Variants in MCC observed in about 807,000 individuals in gnomAD.
The protein encoded by MCC is colorectal mutant cancer protein.
In MCC, 90 loss-of-function variants were observed where a neutral mutation model predicts 116.2. The observed-to-expected ratio is 0.77, with a 90% confidence interval of 0.65 to 0.92. The LOEUF is 0.92. MCC is among the 40% of genes least tolerant of loss of function. MCC has a pLI of 0.00. For missense variants in MCC, 1,516 were observed against 1,312.2 expected (o/e 1.16, Z -2.40); for synonymous variants, 578 against 510.5 (o/e 1.13, Z -1.78).
chr5:113,133,808 T>C (rs999969926), intron 5 of MCC, among the ~76,000 whole-genome samples: 1 of 152,228 alleles, frequency 6.6e-6, no homozygotes, highest in African/African-American at 2.4e-5. Context: ...TATGCTTTGG[T>C]AGAAGCCATT....
chr5:113,143,360 A>G lies in MCC; in HGVS notation c.742T>C (p.Cys248Arg), dbSNP rs766574371. 4.3e-6 allele frequency: 7 copies of G among 1,613,538 alleles called. No individual in the cohort carries two copies. Among genetic ancestry groups the G allele is most frequent in the Admixed American group, 1.7e-5 (1 of 59,874 alleles). ...LLEKKLAKAQ[C>R]EQSHLMREHE... ...TCTCTCATGAGGTGGGACTGCTCGC[A>G]CTGGGAATAAGGGAAAAGGACAGAA... The change falls in exon 5 of 19, where the codon TGC becomes CGC. Residue 248 changes from cysteine (C) to arginine (R), a missense_variant and splice_region_variant. Transcript: ENST00000408903.
intron 1 of MCC, among the ~76,000 whole-genome samples, chr5:113,468,015 T>A (rs942718405): frequency 2.6e-5 from 4 of 152,250 alleles, no homozygotes; most frequent in African/African-American, 9.6e-5. Flanking sequence ...GCTTGTGATT[T>A]TTTGCACATT....
intron 3 of MCC, among the ~76,000 whole-genome samples, chr5:113,228,296 G>A (rs576114047): frequency 4.6e-5 from 7 of 152,246 alleles, no homozygotes; most frequent in South Asian, 4.1e-4. Flanking sequence ...ATGCTGTCTC[G>A]TGAGAATGAG....
intron 3 of MCC, among the ~76,000 whole-genome samples, chr5:113,164,861 T>C (rs1177768848): frequency 6.6e-6 from 1 of 152,176 alleles, no homozygotes; most frequent in Non-Finnish European, 1.5e-5. Flanking sequence ...GGAAAGGCCA[T>C]TGGTACCAGA....
intron 3 of MCC, among the ~76,000 whole-genome samples, chr5:113,327,430 C>T (rs1767583830): frequency 6.6e-6 from 1 of 150,402 alleles, no homozygotes; most frequent in African/African-American, 2.4e-5. Context: ...CCTGTAGTCC[C>T]AGCTACTCGG....
intron 3 of MCC, among the ~76,000 whole-genome samples, chr5:113,271,106 A>G (rs1765602489): frequency 6.6e-6 from 1 of 152,240 alleles, no homozygotes; most frequent in Non-Finnish European, 1.5e-5. Context: ...GTTCATGTTA[A>G]GACAATAGCA....
intron 8 of MCC, among the ~76,000 whole-genome samples, chr5:113,086,306 G>GGGGGGTGAGTC (rs11269973): frequency 3.0e-4 from 46 of 151,540 alleles, no homozygotes; most frequent in Non-Finnish European, 2.2e-4. Context: ...TGATATGCCT[G>GGGGGGTGAGTC]GGGGGTTGAA....
At chr5:113,472,329 C>G (rs572279302) in intron 1 of MCC, among the ~76,000 whole-genome samples, 2 of 152,306 alleles carry the variant, frequency 1.3e-5, no homozygotes, top group African/African-American at 4.8e-5. Flanking sequence ...ATGGTGCATA[C>G]TTCTTGCAAC....
At chr5:113,314,735 G>A (rs1366479423) in intron 3 of MCC, among the ~76,000 whole-genome samples, 1 of 152,210 alleles carries the variant, frequency 6.6e-6, no homozygotes, top group African/African-American at 2.4e-5. Context: ...CTACAGGCAT[G>A]CACCACCATG....
intron 3 of MCC, among the ~76,000 whole-genome samples, chr5:113,196,214 A>C (rs1339646852): frequency 6.6e-6 from 1 of 152,182 alleles, no homozygotes; most frequent in Non-Finnish European, 1.5e-5. Context: ...TTGTGCCAAC[A>C]CCTAGTGCTG....
chr5:113,385,372 A>T (rs986327996), intron 1 of MCC, among the ~76,000 whole-genome samples, 160 bp from the exon 2 acceptor site: 6 of 152,230 alleles, frequency 3.9e-5, no homozygotes, highest in African/African-American at 1.4e-4. Context: ...TGTATGAAAA[A>T]AACGTGTTCC....
At chr5:113,444,471 C>T (rs185574501) in intron 1 of MCC, among the ~76,000 whole-genome samples, 18 of 152,290 alleles carry the variant, frequency 1.2e-4, no homozygotes, top group Non-Finnish European at 1.3e-4. Flanking sequence ...AGTGTTAAAT[C>T]TGCGGTCTAC....
At chr5:113,078,426 A>T (rs908730083) in intron 11 of MCC, among the ~76,000 whole-genome samples, 1 of 152,206 alleles carries the variant, frequency 6.6e-6, no homozygotes, top group African/African-American at 2.4e-5. Flanking sequence ...CTGGCAAACC[A>T]AATCCAGCAG....
chr5:113,095,502 A>C (rs1755949513), intron 8 of MCC, among the ~76,000 whole-genome samples: 1 of 152,216 alleles, frequency 6.6e-6, no homozygotes, highest in Admixed American at 6.5e-5. Context: ...CTGGGCTATT[A>C]TCATAATTTA....
At chr5:113,472,876 T>C (rs1772131055) in intron 1 of MCC, among the ~76,000 whole-genome samples, 1 of 152,172 alleles carries the variant, frequency 6.6e-6, no homozygotes, top group Non-Finnish European at 1.5e-5. Context: ...CAAAATGCTA[T>C]TTGGGAGTGT....
At chr5:113,472,346 A>C (rs1395022607) in intron 1 of MCC, among the ~76,000 whole-genome samples, 1 of 152,074 alleles carries the variant, frequency 6.6e-6, no homozygotes, top group Non-Finnish European at 1.5e-5. Context: ...CAACAAACTT[A>C]CCCCTGAATA....
intron 3 of MCC, among the ~76,000 whole-genome samples, chr5:113,156,755 G>T (rs549472248): frequency 5.3e-5 from 8 of 152,298 alleles, no homozygotes; most frequent in Non-Finnish European, 1.0e-4. Flanking sequence ...AATTCCCTAG[G>T]CTGTTTTGAG....
chr5:113,179,488 C>G (rs1761502956), intron 3 of MCC, among the ~76,000 whole-genome samples: 1 of 152,180 alleles, frequency 6.6e-6, no homozygotes, highest in East Asian at 1.9e-4. Flanking sequence ...GGAAATTCTT[C>G]CCAAAATGGG....
chr5:113,467,844 T>A (rs2150429209), intron 1 of MCC, among the ~76,000 whole-genome samples: 1 of 152,330 alleles, frequency 6.6e-6, no homozygotes, highest in East Asian at 1.9e-4. Flanking sequence ...TTTCTTTGTA[T>A]CCTCTTTTAT....
Sources: allele counts gnomAD v4.1 joint callset (sites outside exome capture counted in the v4.1 genomes callset), GRCh38; gene constraint gnomAD v4.1.1; transcripts MANE v1.5; gene names NCBI Gene and HGNC (gene_info 2026-07-23, HGNC 2026-07-21).